Variants in DENND6A observed in about 807,000 individuals in gnomAD.
DENND6A encodes protein DENND6A.
DENND6A carries 43 observed loss-of-function variants against 95.5 expected under a neutral mutation model. The observed-to-expected ratio is 0.45, with a 90% CI of 0.35 to 0.58. DENND6A has a LOEUF of 0.58. DENND6A is among the 20% of genes least tolerant of loss of function. The probability of loss-of-function intolerance (pLI) is 0.00; values close to 1 mark genes in which losing one functional copy is unlikely to be tolerated. For synonymous variants in DENND6A, 257 were observed against 260.4 expected, an observed-to-expected ratio of 0.99 and a Z score of 0.13; for missense variants, 574 against 736.0, an observed-to-expected ratio of 0.78 and a Z score of 2.55.
intron 10 of DENND6A, 99 bp downstream of exon 10, chr3:57,646,216 GA>G: frequency 3.4e-6 from 5 of 1,477,210 alleles, no homozygotes; most frequent in South Asian, 1.4e-5. Flanking sequence ...AATGGGTGGG[GA>G]AAAATACGAC....
intron 4 of DENND6A, among the ~76,000 whole-genome samples, chr3:57,665,326 G>C (rs1575850023): frequency 6.6e-6 from 1 of 152,288 alleles, no homozygotes; most frequent in Admixed American, 6.5e-5. Flanking sequence ...GAGGTGGGAT[G>C]ACCTTGGGTA....
In DENND6A at chr3:57,631,022, T is replaced by C. The variant is rs1163873422; in HGVS notation, c.1354-44A>G. ...TTAATAAAAGGAGTGTCTTCAAAAATATTTAAACAGACCTACTTAAAAGGA... is the reference window on the plus strand; with the variant it reads ...TTAATAAAAGGAGTGTCTTCAAAAACATTTAAACAGACCTACTTAAAAGGA... On this transcript the variant is annotated intron_variant, in intron 15 of 19. Transcript: ENST00000311128. 2.5e-6 allele frequency: 4 copies of C among 1,581,336 alleles called. No homozygotes were observed. In the African/African-American group the frequency reaches 5.4e-5, roughly 22 times the overall value.
intron 11 of DENND6A, 96 bp downstream of exon 11, chr3:57,645,565 G>T: frequency 1.2e-6 from 1 of 833,134 alleles, no homozygotes; most frequent in Non-Finnish European, 1.8e-6. Context: ...CCTTTTATAA[G>T]ATCATTCTGC....
chr3:57,644,116 C>G (rs530635042), intron 11 of DENND6A, among the ~76,000 whole-genome samples: 2 of 149,878 alleles, frequency 1.3e-5, no homozygotes, highest in African/African-American at 4.9e-5. Flanking sequence ...CGCCATTGCA[C>G]TCCCTCCTGG....
rs182125212 is a variant in DENND6A at position 57,666,485 on chromosome 3, T to A, written c.320-250A>T. On this transcript the variant is annotated intron_variant, in intron 3 of 19. Coordinates refer to ENST00000311128, the MANE Select transcript of DENND6A (RefSeq NM_152678.3). The stretch of plus-strand genomic sequence containing the variant: ...TCTTTACTATTTTTCCTATTCCATA[T>A]CCCTCATGTAATTAAACATTTTTGG... Among the ~76,000 whole-genome samples, 325 of 152,320 alleles carry A rather than the reference T, an allele frequency of 2.1e-3. 5 individuals are homozygous for A. The highest frequency in any genetic ancestry group is 1.6e-3 in the Non-Finnish European group (109 of 68,016).
chr3:57,654,466 A>G (rs148079728), intron 9 of DENND6A, among the ~76,000 whole-genome samples: 220 of 152,326 alleles, frequency 1.4e-3, no homozygotes, highest in African/African-American at 5.1e-3. Flanking sequence ...AAGCCAAAAT[A>G]ACTTGTTTCT....
At chr3:57,678,556 A>T (rs1382602557) in intron 1 of DENND6A, among the ~76,000 whole-genome samples, 1 of 152,218 alleles carries the variant, frequency 6.6e-6, no homozygotes, top group East Asian at 1.9e-4. Flanking sequence ...TAAAGCTCTA[A>T]CCTCCAATCA....
At position 57,658,975 on chromosome 3, in the gene DENND6A, T is replaced by C. The variant is rs1165911541; in HGVS notation, c.762+143A>G. ...GAAACATTAGAAAATATATTACCAA[T>C]TCATTAAAAATTATTTAATGGGACA... On this transcript the variant is annotated intron_variant, in intron 8 of 19. Transcript: ENST00000311128. 3 of 685,238 alleles carry C rather than the reference T, an allele frequency of 4.4e-6. No individual in the cohort carries two copies. The African/African-American group carries it at 5.5e-5, about 13-fold the overall frequency. The allele number at this position is 685,238 out of a possible 1,614,324, so 42.4% of individuals were successfully genotyped here. A position where few individuals can be genotyped will look rare whatever the true frequency, so the allele number is the denominator to read the frequency against.
At chr3:57,654,248 C>T (rs1190130946) in intron 9 of DENND6A, among the ~76,000 whole-genome samples, 1 of 151,948 alleles carries the variant, frequency 6.6e-6, no homozygotes, top group African/African-American at 2.4e-5. Flanking sequence ...AGCCACCGTG[C>T]CCAGCCAGAA....
At chr3:57,659,206 T>C in intron 7 of DENND6A, 26 bp from the exon 8 acceptor site, 1 of 1,612,852 alleles carries the variant, frequency 6.2e-7, no homozygotes, top group Non-Finnish European at 8.5e-7. Flanking sequence ...GAAATTATTT[T>C]TGGTTATAAA....
chr3:57,638,543 A>G (rs2070850379), intron 12 of DENND6A, among the ~76,000 whole-genome samples: 1 of 151,982 alleles, frequency 6.6e-6, no homozygotes, highest in African/African-American at 2.4e-5. Flanking sequence ...CTGTAATCTC[A>G]GCGACTCGGG....
intron 1 of DENND6A, among the ~76,000 whole-genome samples, chr3:57,674,869 G>C (rs2071684001): frequency 6.6e-6 from 1 of 152,172 alleles, no homozygotes. Flanking sequence ...ACTAATGCAG[G>C]AACTGAAAAC....
At chr3:57,630,186 T>C (rs1482158788) in intron 18 of DENND6A, among the ~76,000 whole-genome samples, 2 of 152,252 alleles carry the variant, frequency 1.3e-5, no homozygotes, top group East Asian at 3.9e-4. Context: ...AAGCCAAAAG[T>C]TTCCCATGAT....
intron 8 of DENND6A, among the ~76,000 whole-genome samples, chr3:57,658,482 T>C (rs111761305): frequency 2.6e-5 from 4 of 152,296 alleles, no homozygotes; most frequent in African/African-American, 9.6e-5. Context: ...GAACTACGAT[T>C]GTGCCACCGT....
chr3:57,665,983 G>A, intron 4 of DENND6A, 140 bp downstream of exon 4: 1 of 554,442 alleles, frequency 1.8e-6, no homozygotes, highest in Non-Finnish European at 3.2e-6. Flanking sequence ...TTATGAATAA[G>A]ACTCACTTTG....
chr3:57,659,544 C>A (rs1409037482), intron 7 of DENND6A, among the ~76,000 whole-genome samples: 1 of 152,178 alleles, frequency 6.6e-6, no homozygotes, highest in Non-Finnish European at 1.5e-5. Context: ...ATAAATCTCA[C>A]AGGAAACAAT....
chr3:57,689,612 T>G (rs1478485273), intron 1 of DENND6A, among the ~76,000 whole-genome samples: 25 of 152,176 alleles, frequency 1.6e-4, no homozygotes, highest in Non-Finnish European at 1.6e-4. Context: ...TTATGCAAGG[T>G]GAACCACTCC....
rs561886941 is a variant in DENND6A at position 57,628,962 on chromosome 3, C to A, written c.1621-77G>T. On this transcript the variant is annotated intron_variant, in intron 18 of 19. Transcript: ENST00000311128. ...CTCTCTATTTCAATAGGTAAGGCTA[C>A]TGTGAAGGAAAGACAAGAAGGAAAA... is the stretch of plus-strand genomic sequence containing the variant. 15 of 1,301,172 alleles carry A rather than the reference C, an allele frequency of 1.2e-5. No homozygotes were observed. The East Asian group carries it at 3.5e-4, about 31-fold the overall frequency. 80.6% of individuals were successfully genotyped at this position (1,301,172 alleles called of 1,614,324 possible). A position where few individuals can be genotyped will look rare whatever the true frequency, so the allele number is the denominator to read the frequency against.
intron 4 of DENND6A, among the ~76,000 whole-genome samples, chr3:57,665,744 G>C (rs978631578): frequency 2.0e-5 from 3 of 151,984 alleles, no homozygotes; most frequent in Non-Finnish European, 4.4e-5. Flanking sequence ...ACTAAAACAA[G>C]GCTCATTCAA....
Sources: allele counts gnomAD v4.1 joint callset (sites outside exome capture counted in the v4.1 genomes callset), GRCh38; gene constraint gnomAD v4.1.1; transcripts MANE v1.5; gene names NCBI Gene and HGNC (gene_info 2026-07-23, HGNC 2026-07-21).